INTS7: variants seen among roughly 807,000 people sequenced by gnomAD.
INTS7 encodes the protein chromosome 1 open reading frame 73.
In INTS7, 46 loss-of-function variants were observed where a neutral mutation model predicts 109.2. The observed-to-expected ratio is 0.42, with a 90% CI of 0.33 to 0.54. INTS7 has a LOEUF of 0.54. Ranked by LOEUF, INTS7 falls within the 20% of genes least tolerant of loss-of-function variation. INTS7 has a pLI of 0.07. For missense variants in INTS7, 929 were observed against 1,132.4 expected (o/e 0.82, Z 2.58); for synonymous variants, 412 against 402.9 (o/e 1.02, Z -0.27).
rs548471047 is a variant in INTS7, at chr1:211,942,234, A to G, written c.2602-123T>C. 88 of 1,013,902 alleles carry G rather than the reference A, an allele frequency of 8.7e-5. 2 individuals are homozygous for G. The South Asian group carries it at 1.3e-3, about 15-fold the overall frequency. 62.8% of individuals were successfully genotyped at this position (1,013,902 alleles called of 1,614,324 possible). Reference sequence around the variant, plus strand: ...AGACAATAAAAAATTAGGTACTGCTATCATCCTTGCTTCACCGATGAGGAG... The same window carrying G: ...AGACAATAAAAAATTAGGTACTGCTGTCATCCTTGCTTCACCGATGAGGAG... On this transcript the variant is annotated intron_variant, in intron 19 of 19. Coordinates refer to ENST00000366994, the MANE Select transcript of INTS7 (RefSeq NM_015434.4). This position sits in a 1 kb window ranked among gnomAD's most constrained non-coding sequence, Gnocchi z 4.2.
chr1:211,951,428 C>T (rs1223686291), intron 17 of INTS7, among the ~76,000 whole-genome samples: 2 of 152,152 alleles, frequency 1.3e-5, no homozygotes, highest in Non-Finnish European at 2.9e-5. Context: ...CTGCCTCAGC[C>T]GCCTGAGTAG....
intron 7 of INTS7, among the ~76,000 whole-genome samples, chr1:211,998,584 T>A (rs1665515930): frequency 6.6e-6 from 1 of 152,146 alleles, no homozygotes; most frequent in African/African-American, 2.4e-5. Flanking sequence ...ATATAAAACT[T>A]AAACTATAAA....
chr1:211,988,471 G>A (rs1664998849), intron 7 of INTS7, among the ~76,000 whole-genome samples: 1 of 151,012 alleles, frequency 6.6e-6, no homozygotes, highest in Non-Finnish European at 1.5e-5. Flanking sequence ...AAACTCTTTA[G>A]GGGAGCCTCA....
chr1:211,987,004 C>T (rs1406034612), intron 8 of INTS7, among the ~76,000 whole-genome samples: 1 of 152,132 alleles, frequency 6.6e-6, no homozygotes, highest in African/African-American at 2.4e-5. Context: ...TGCATTAAAA[C>T]AAAACAACCA....
chr1:211,991,547 A>G (rs1220024324), intron 7 of INTS7, among the ~76,000 whole-genome samples: 1 of 152,246 alleles, frequency 6.6e-6, no homozygotes, highest in Non-Finnish European at 1.5e-5. Flanking sequence ...TGGAATTTTG[A>G]CCACATGAAT....
intron 16 of INTS7, 21 bp downstream of exon 16, chr1:211,966,409 T>C (rs201029827): frequency 3.7e-6 from 5 of 1,369,704 alleles, no homozygotes; most frequent in Non-Finnish European, 5.2e-6. Context: ...TAACGCCAAC[T>C]ATTATTAATA....
intron 4 of INTS7, among the ~76,000 whole-genome samples, chr1:212,012,863 C>G (rs187196696): frequency 1.2e-3 from 189 of 152,148 alleles, no homozygotes; most frequent in African/African-American, 4.5e-3. Flanking sequence ...AATTTAATCA[C>G]TAAACTACAA....
At chr1:212,031,687 T>C (rs959597072) in intron 1 of INTS7, among the ~76,000 whole-genome samples, 1 of 152,194 alleles carries the variant, frequency 6.6e-6, no homozygotes, top group Non-Finnish European at 1.5e-5. Context: ...ACAATGCAGG[T>C]GGTCAGTAAA....
intron 16 of INTS7, among the ~76,000 whole-genome samples, chr1:211,965,622 AAAG>A (rs145189544): frequency 0.043 from 6,575 of 152,308 alleles, 190 homozygotes; most frequent in African/African-American, 0.074. Flanking sequence ...CAGCCATAAA[AAAG>A]AAGATCATGT....
intron 1 of INTS7, among the ~76,000 whole-genome samples, chr1:212,034,040 G>A (rs1235899950): frequency 6.6e-6 from 1 of 151,910 alleles, no homozygotes; most frequent in East Asian, 1.9e-4. Flanking sequence ...CCGAGATGGC[G>A]CCACTGCACT....
chr1:211,967,933 C>T lies in INTS7; in HGVS notation c.2059G>A (p.Asp687Asn). 1 of 1,609,644 alleles carries T rather than the reference C, an allele frequency of 6.2e-7. No homozygotes were observed. Among genetic ancestry groups the T allele is most frequent in the Non-Finnish European group, 8.5e-7 (1 of 1,178,060 alleles). ...EFRSLASRYG[D>N]LYQASFDADS... ...GCATCAAAAGATGCCTGGTAAAGAT[C>T]TCCATATCGAGAAGCAAGGCTTCGA... Residue 687 changes from aspartate to asparagine, a missense_variant, in exon 15 of 20, where the codon GAT becomes AAT. Coordinates refer to ENST00000366994, the MANE Select transcript of INTS7 (RefSeq NM_015434.4).
At chr1:212,011,697 A>G (rs1666173452) in intron 4 of INTS7, 5 of 325,558 alleles carry the variant, frequency 1.5e-5, no homozygotes, top group Non-Finnish European at 2.8e-5. Flanking sequence ...ACTAACAAGC[A>G]TCTGAAATTA....
chr1:211,947,143 T>C (rs1662879852), intron 17 of INTS7, among the ~76,000 whole-genome samples: 1 of 152,210 alleles, frequency 6.6e-6, no homozygotes, highest in African/African-American at 2.4e-5. Flanking sequence ...ATTAGGTGGC[T>C]TGTCTCTATG....
At chr1:212,027,076 G>T (rs1049724354) in intron 1 of INTS7, among the ~76,000 whole-genome samples, 1 of 152,096 alleles carries the variant, frequency 6.6e-6, no homozygotes, top group Non-Finnish European at 1.5e-5. Flanking sequence ...ATGAACTAAA[G>T]AATATTAAAC....
intron 16 of INTS7, among the ~76,000 whole-genome samples, chr1:211,955,098 AG>A: frequency 6.6e-6 from 1 of 152,246 alleles, no homozygotes; most frequent in Middle Eastern, 3.4e-3. Context: ...CTCCTTGAAG[AG>A]GTCCTTCTTG....
chr1:211,968,805 A>C, intron 13 of INTS7, 98 bp from the exon 14 acceptor site: 1 of 819,550 alleles, frequency 1.2e-6, no homozygotes, highest in Non-Finnish European at 1.9e-6. Context: ...CAAGTGCAGT[A>C]GTTCTCTAAA....
At position 211,946,798 on chromosome 1, in the gene INTS7, T is replaced by C. The variant is rs924335800; in HGVS notation, c.2317-93A>G. 4.3e-5 allele frequency: 33 copies of C among 775,894 alleles called. No homozygotes were observed. Among genetic ancestry groups the C allele is most frequent in the African/African-American group, 3.7e-4 (21 of 57,084 alleles). 48.1% of individuals were successfully genotyped at this position (775,894 alleles called of 1,614,324 possible). On this transcript the variant is annotated intron_variant, in intron 17 of 19. Coordinates refer to ENST00000366994, the MANE Select transcript of INTS7 (RefSeq NM_015434.4). This position sits in a 1 kb window ranked among gnomAD's most constrained non-coding sequence, Gnocchi z 4.3. ...CAGTATAAAACTACAAATGCCCATA[T>C]AGATTATTACAAAGGTACATACCAA...
chr1:211,942,202 A>G lies in INTS7; in HGVS notation c.2602-91T>C. ...GGCCCTGTTCTAAGAGCTTATTTAG[A>G]CCATGCAGACAATAAAAAATTAGGT... On this transcript the variant is annotated intron_variant, in intron 19 of 19. Transcript: ENST00000366994. This position sits in a 1 kb window ranked among gnomAD's most constrained non-coding sequence, Gnocchi z 4.2. 7.4e-7 allele frequency: 1 copy of G among 1,359,272 alleles called. No homozygotes were observed. Among genetic ancestry groups the G allele is most frequent in the Non-Finnish European group, 1.0e-6 (1 of 986,256 alleles). 84.2% of individuals were successfully genotyped at this position (1,359,272 alleles called of 1,614,324 possible).
At chr1:212,007,205 T>C (rs748990408) in intron 6 of INTS7, 45 bp downstream of exon 6, 6 of 1,297,930 alleles carry the variant, frequency 4.6e-6, no homozygotes, top group East Asian at 4.9e-5. Context: ...ATATTTAATA[T>C]GTAAGTTTAC....
Sources: allele counts gnomAD v4.1 joint callset (sites outside exome capture counted in the v4.1 genomes callset), GRCh38; gene constraint gnomAD v4.1.1; non-coding constraint Gnocchi (gnomAD v3.1); transcripts MANE v1.5; gene names NCBI Gene and HGNC (gene_info 2026-07-23, HGNC 2026-07-21).